PTPRD: variants seen among roughly 807,000 people sequenced by gnomAD.
The protein encoded by PTPRD is protein tyrosine phosphatase receptor type D.
In PTPRD, 34 loss-of-function variants were observed where a neutral mutation model predicts 214.5. The ratio of observed to expected loss-of-function variants is 0.16; its 90% CI spans 0.12 to 0.21. PTPRD has a LOEUF of 0.21. PTPRD is among the 10% of genes least tolerant of loss of function. The pLI is 1.00. For synonymous variants in PTPRD, 1,128 were observed against 845.7 expected (o/e 1.33, Z -5.79); for missense variants, 2,545 against 2,398.7 (o/e 1.06, Z -1.27).
chr9:8,442,268 G>A (rs2095572177), intron 34 of PTPRD, among the ~76,000 whole-genome samples: 1 of 152,306 alleles, frequency 6.6e-6, no homozygotes, highest in South Asian at 2.1e-4. Flanking sequence ...GTTTTACTAA[G>A]TCAGTAAGGC....
intron 3 of PTPRD, among the ~76,000 whole-genome samples, chr9:10,269,180 G>GAA (rs112836931): frequency 1.4e-4 from 21 of 151,514 alleles, no homozygotes; most frequent in Admixed American, 1.2e-3. Flanking sequence ...AACACTCCAG[G>GAA]AAAAAAAATG....
chr9:9,697,312 T>C (rs2097396934), intron 7 of PTPRD, among the ~76,000 whole-genome samples: 1 of 152,126 alleles, frequency 6.6e-6, no homozygotes, highest in Non-Finnish European at 1.5e-5. Flanking sequence ...CATATTAGTG[T>C]TATTTTTTCT....
At chr9:9,137,331 T>C (rs1191703434) in intron 10 of PTPRD, among the ~76,000 whole-genome samples, 1 of 152,198 alleles carries the variant, frequency 6.6e-6, no homozygotes, top group East Asian at 1.9e-4. Flanking sequence ...CCTTAATGTA[T>C]CATTCTCTTG....
At chr9:9,243,598 G>C (rs964122632) in intron 9 of PTPRD, among the ~76,000 whole-genome samples, 1 of 152,114 alleles carries the variant, frequency 6.6e-6, no homozygotes, top group African/African-American at 2.4e-5. Context: ...CAATCTTCAT[G>C]CTAAAAACTC....
At chr9:10,143,203 G>A (rs1164936991) in intron 3 of PTPRD, among the ~76,000 whole-genome samples, 18 of 151,764 alleles carry the variant, frequency 1.2e-4, no homozygotes, top group South Asian at 4.2e-4. Flanking sequence ...GCAGCGCACC[G>A]GCATGGCACA....
intron 8 of PTPRD, among the ~76,000 whole-genome samples, chr9:9,444,980 A>G (rs962766025): frequency 1.3e-5 from 2 of 152,126 alleles, no homozygotes; most frequent in South Asian, 2.1e-4. Flanking sequence ...TATTATGTGT[A>G]TCTTCAAATA....
chr9:9,021,470 A>G (rs751222659), intron 10 of PTPRD, among the ~76,000 whole-genome samples: 18 of 152,196 alleles, frequency 1.2e-4, no homozygotes, highest in Non-Finnish European at 2.4e-4. Flanking sequence ...TTGATAATCA[A>G]TGACTATGTT....
chr9:10,300,194 A>T (rs1001394110), intron 3 of PTPRD, among the ~76,000 whole-genome samples: 1 of 152,186 alleles, frequency 6.6e-6, no homozygotes, highest in Non-Finnish European at 1.5e-5. Flanking sequence ...TATAGTTTAT[A>T]GTTAAAATTC....
At chr9:9,519,937 C>A (rs1237008645) in intron 8 of PTPRD, among the ~76,000 whole-genome samples, 3 of 152,010 alleles carry the variant, frequency 2.0e-5, no homozygotes, top group Admixed American at 6.6e-5. Context: ...GTCATGAAGA[C>A]AGTGTGGTAT....
At chr9:10,348,217 C>CT (rs1303326680) in intron 2 of PTPRD, among the ~76,000 whole-genome samples, 1 of 152,094 alleles carries the variant, frequency 6.6e-6, no homozygotes, top group African/African-American at 2.4e-5. Flanking sequence ...CGTAGGATTA[C>CT]TTTTTTTAAG....
intron 11 of PTPRD, among the ~76,000 whole-genome samples, chr9:8,776,810 GTATAATA>G (rs2095496686): frequency 6.9e-6 from 1 of 144,776 alleles, no homozygotes. Context: ...TATTATATAT[GTATAATA>G]TATAAATATA....
intron 11 of PTPRD, among the ~76,000 whole-genome samples, chr9:8,806,340 A>G (rs2096680809): frequency 6.6e-6 from 1 of 152,166 alleles, no homozygotes; most frequent in African/African-American, 2.4e-5. Context: ...GAGTTATAAA[A>G]TGCTGACATC....
At chr9:8,875,294 G>C (rs1220473659) in intron 11 of PTPRD, among the ~76,000 whole-genome samples, 1 of 152,154 alleles carries the variant, frequency 6.6e-6, no homozygotes, top group African/African-American at 2.4e-5. Context: ...GGGAGGCCGA[G>C]GTAGGAGGAT....
intron 11 of PTPRD, among the ~76,000 whole-genome samples, chr9:8,883,222 A>C (rs2098461026): frequency 6.6e-6 from 1 of 152,206 alleles, no homozygotes. Context: ...ACCAATGGCC[A>C]TGGTGGTTAA....
At chr9:8,877,175 T>C (rs2098401201) in intron 11 of PTPRD, among the ~76,000 whole-genome samples, 1 of 152,146 alleles carries the variant, frequency 6.6e-6, no homozygotes, top group Admixed American at 6.5e-5. Context: ...TCCACCAGTC[T>C]CAGCCTCCCA....
At chr9:9,352,773 T>C (rs1347771584) in intron 9 of PTPRD, among the ~76,000 whole-genome samples, 2 of 151,938 alleles carry the variant, frequency 1.3e-5, no homozygotes, top group African/African-American at 4.8e-5. Context: ...CTCAGAGTTG[T>C]AATAATTTTA....
At chr9:8,896,669 A>G (rs2098615453) in intron 11 of PTPRD, among the ~76,000 whole-genome samples, 1 of 152,208 alleles carries the variant, frequency 6.6e-6, no homozygotes, top group African/African-American at 2.4e-5. Flanking sequence ...AGTCTGTGTG[A>G]CTTGAATAGT....
chr9:9,984,100 A>G (rs957517677), intron 4 of PTPRD, among the ~76,000 whole-genome samples: 1 of 152,138 alleles, frequency 6.6e-6, no homozygotes, highest in Non-Finnish European at 1.5e-5. Flanking sequence ...ATTTTAAAAA[A>G]TCATGATTAT....
intron 10 of PTPRD, among the ~76,000 whole-genome samples, chr9:9,042,122 C>T (rs562424958): frequency 6.6e-6 from 1 of 152,258 alleles, no homozygotes; most frequent in Non-Finnish European, 1.5e-5. Context: ...TCTCTTTCCA[C>T]AACTCTCTTC....
Sources: gnomAD v4.1 joint callset for allele counts (sites outside exome capture counted in the v4.1 genomes callset) on GRCh38, gnomAD v4.1.1 for gene constraint, MANE v1.5 for transcripts, NCBI Gene and HGNC (gene_info 2026-07-23, HGNC 2026-07-21) for gene names.